The following HCN1 variants were observed in gnomAD, a reference collection of about 807,000 sequenced individuals.
HCN1 encodes the protein hyperpolarization activated cyclic nucleotide gated potassium channel 1, also known as potassium/sodium hyperpolarization-activated cyclic nucleotide-gated channel 1.
In HCN1, 13 loss-of-function variants were observed where a neutral mutation model predicts 78.9. The ratio of observed to expected loss-of-function variants is 0.16; its 90% CI spans 0.11 to 0.26. The LOEUF (loss-of-function observed/expected upper bound fraction) is 0.26. Among genes scored for constraint, HCN1 ranks in the 10% least tolerant of loss-of-function variants. The pLI, the probability that HCN1 is intolerant of heterozygous loss-of-function variation, is 1.00. For missense variants in HCN1, 810 were observed against 1,154.3 expected, an observed-to-expected ratio of 0.70 and a Z score of 4.32; for synonymous variants, 552 against 455.5, an observed-to-expected ratio of 1.21 and a Z score of -2.70.
At chr5:45,423,778 A>G (rs1366187724) in intron 3 of HCN1, among the ~76,000 whole-genome samples, 1 of 152,200 alleles carries the variant, frequency 6.6e-6, no homozygotes, top group Non-Finnish European at 1.5e-5. Context: ...TTCAATAAAG[A>G]GTTTCCAAAC....
At chr5:45,390,301 G>A (rs1739512655) in intron 4 of HCN1, among the ~76,000 whole-genome samples, 1 of 152,150 alleles carries the variant, frequency 6.6e-6, no homozygotes, top group African/African-American at 2.4e-5. Context: ...GTTTCCCTGT[G>A]AAAGTGCTTC....
At chr5:45,555,599 A>G (rs1243950455) in intron 2 of HCN1, among the ~76,000 whole-genome samples, 2 of 151,988 alleles carry the variant, frequency 1.3e-5, no homozygotes, top group African/African-American at 2.4e-5. Flanking sequence ...AACTATCCTG[A>G]GCAAAAAGAA....
chr5:45,650,174 T>C (rs1445816067), intron 1 of HCN1, among the ~76,000 whole-genome samples: 1 of 152,108 alleles, frequency 6.6e-6, no homozygotes, highest in Non-Finnish European at 1.5e-5. Context: ...GAGCAAGATA[T>C]TTAGCTGCCA....
At position 45,311,430 on chromosome 5, in the gene HCN1, A is replaced by T. The variant is rs376424118; in HGVS notation, c.1378-7591T>A. Among the ~76,000 whole-genome samples, 3 of 152,296 alleles carry T rather than the reference A, an allele frequency of 2.0e-5. No homozygotes were observed. In the East Asian group the frequency reaches 5.8e-4, roughly 29 times the overall value. Reference sequence around the variant, plus strand: ...CTTCTTACTTTTGCAATCAGCTTATATTAGAAAATTTGTTTAAACATCTTA... The same window carrying T: ...CTTCTTACTTTTGCAATCAGCTTATTTTAGAAAATTTGTTTAAACATCTTA... On this transcript the variant is annotated intron_variant, in intron 5 of 7. Transcript: ENST00000303230.
intron 2 of HCN1, among the ~76,000 whole-genome samples, chr5:45,639,663 A>T (rs900583308): frequency 1.3e-5 from 2 of 152,184 alleles, no homozygotes; most frequent in African/African-American, 4.8e-5. Flanking sequence ...TAACCGATAC[A>T]AACATTTTTT....
intron 1 of HCN1, among the ~76,000 whole-genome samples, chr5:45,658,762 G>A (rs1310981036): frequency 2.6e-5 from 4 of 152,022 alleles, no homozygotes; most frequent in African/African-American, 4.8e-5. Context: ...AAAAAACGGC[G>A]CACCACGAGA....
chr5:45,306,570 C>G (rs1011103385), intron 5 of HCN1, among the ~76,000 whole-genome samples: 9 of 152,054 alleles, frequency 5.9e-5, no homozygotes, highest in African/African-American at 1.9e-4. Flanking sequence ...ACAGAATCTT[C>G]TTGGATTCTA....
In HCN1 at chr5:45,590,292, T is replaced by C. The variant is rs533847327; in HGVS notation, c.849+54893A>G. Among the ~76,000 whole-genome samples, 6 of 152,292 alleles carry C rather than the reference T, an allele frequency of 3.9e-5. No individual in the cohort carries two copies. The East Asian group carries it at 9.6e-4, about 24-fold the overall frequency. On this transcript the variant is annotated intron_variant, in intron 2 of 7. Transcript: ENST00000303230. ...AGGAAAACAGTCCAAAAATGTTTCATAGAATTTTTAAAGACTAATTTAGGT... is the reference window on the plus strand; with the variant it reads ...AGGAAAACAGTCCAAAAATGTTTCACAGAATTTTTAAAGACTAATTTAGGT...
At chr5:45,640,858 GAAAA>G (rs61584654) in intron 2 of HCN1, among the ~76,000 whole-genome samples, 4 of 82,274 alleles carry the variant, frequency 4.9e-5, no homozygotes, top group Non-Finnish European at 1.1e-4. Context: ...AGGAGTGATA[GAAAA>G]AAAAAAAAAA....
At chr5:45,510,684 C>T (rs1333823616) in intron 2 of HCN1, among the ~76,000 whole-genome samples, 1 of 152,066 alleles carries the variant, frequency 6.6e-6, no homozygotes, top group Non-Finnish European at 1.5e-5. Flanking sequence ...GAATGAGGAC[C>T]TGATTCTACC....
intron 1 of HCN1, among the ~76,000 whole-genome samples, chr5:45,660,839 C>T (rs1322834800): frequency 7.7e-6 from 1 of 130,210 alleles, no homozygotes; most frequent in Admixed American, 8.1e-5. Flanking sequence ...ACTTAGACTC[C>T]CACACATTAA....
At chr5:45,391,548 T>C (rs1739561200) in intron 4 of HCN1, among the ~76,000 whole-genome samples, 1 of 152,148 alleles carries the variant, frequency 6.6e-6, no homozygotes, top group Non-Finnish European at 1.5e-5. Flanking sequence ...TCATATAGCT[T>C]AAAAAATTGA....
chr5:45,278,271 G>A (rs1017220252), intron 6 of HCN1, among the ~76,000 whole-genome samples: 1 of 152,038 alleles, frequency 6.6e-6, no homozygotes, highest in African/African-American at 2.4e-5. Flanking sequence ...TATGTGAGTA[G>A]CCACAGAGAG....
At chr5:45,419,460 G>A (rs954223786) in intron 3 of HCN1, among the ~76,000 whole-genome samples, 1 of 152,148 alleles carries the variant, frequency 6.6e-6, no homozygotes, top group African/African-American at 2.4e-5. Flanking sequence ...AGATATTTGA[G>A]TAAATAAGAG....
At chr5:45,410,863 A>C (rs1489560916) in intron 3 of HCN1, among the ~76,000 whole-genome samples, 1 of 152,070 alleles carries the variant, frequency 6.6e-6, no homozygotes, top group Non-Finnish European at 1.5e-5. Flanking sequence ...CTTCTGTGTC[A>C]GTTACCCATC....
chr5:45,300,760 A>C (rs139885998), intron 6 of HCN1, among the ~76,000 whole-genome samples: 250 of 152,116 alleles, frequency 1.6e-3, no homozygotes, highest in African/African-American at 5.7e-3. Flanking sequence ...ATCCCATCTA[A>C]CTTCAATACT....
intron 3 of HCN1, among the ~76,000 whole-genome samples, chr5:45,424,288 G>A (rs1017404287): frequency 2.0e-5 from 3 of 151,600 alleles, no homozygotes; most frequent in South Asian, 2.1e-4. Flanking sequence ...GCTAGACTCC[G>A]CCTCAAACAA....
intron 4 of HCN1, among the ~76,000 whole-genome samples, chr5:45,384,709 T>C (rs889883274): frequency 3.9e-5 from 6 of 152,132 alleles, no homozygotes; most frequent in Non-Finnish European, 8.8e-5. Context: ...ATTTTGGAGG[T>C]TGGAAGAAAA....
intron 1 of HCN1, among the ~76,000 whole-genome samples, chr5:45,646,372 T>C (rs939418332): frequency 1.8e-4 from 14 of 78,256 alleles, no homozygotes; most frequent in African/African-American, 5.7e-4. Context: ...TCTTTCTTTT[T>C]TTTTTTTTTT....
Sources: gnomAD v4.1 joint callset for allele counts (sites outside exome capture counted in the v4.1 genomes callset) on GRCh38, gnomAD v4.1.1 for gene constraint, MANE v1.5 for transcripts, NCBI Gene and HGNC (gene_info 2026-07-23, HGNC 2026-07-21) for gene names.